The following NCOA3 variants were observed in gnomAD, a reference collection of about 807,000 sequenced individuals.
NCOA3 encodes the protein nuclear receptor coactivator 3, also known as CBP-interacting protein.
NCOA3 carries 51 observed loss-of-function variants against 158.8 expected under a neutral mutation model. The ratio of observed to expected loss-of-function variants is 0.32; its 90% CI spans 0.26 to 0.41. The LOEUF (loss-of-function observed/expected upper bound fraction) is 0.41, where lower values mean the gene tolerates loss of function less well. Among genes scored for constraint, NCOA3 ranks in the 10% least tolerant of loss-of-function variants. The probability of loss-of-function intolerance (pLI) is 1.00; values close to 1 mark genes in which losing one functional copy is unlikely to be tolerated. For missense variants in NCOA3, 1,510 were observed against 1,746.6 expected (o/e 0.86, Z 2.41); for synonymous variants, 537 against 592.4 (o/e 0.91, Z 1.36).
At chr20:47,505,093 G>A (rs1454230378) in intron 1 of NCOA3, among the ~76,000 whole-genome samples, 3 of 82,162 alleles carry the variant, frequency 3.7e-5, no homozygotes, top group Non-Finnish European at 4.6e-5. Context: ...AAGGAAATTT[G>A]CTCTGTTGCC....
chr20:47,559,265 A>G (rs1035035491), intron 1 of NCOA3, among the ~76,000 whole-genome samples: 3 of 152,176 alleles, frequency 2.0e-5, no homozygotes, highest in African/African-American at 7.2e-5. Context: ...CTGGCAAGGC[A>G]CTTCCTGACT....
intron 8 of NCOA3, among the ~76,000 whole-genome samples, chr20:47,632,266 G>T (rs1380522773): frequency 6.6e-6 from 1 of 152,146 alleles, no homozygotes; most frequent in African/African-American, 2.4e-5. Flanking sequence ...ATAGGAGAAG[G>T]TATTAGGGGG....
At chr20:47,598,039 A>AT in intron 2 of NCOA3, among the ~76,000 whole-genome samples, 1 of 151,288 alleles carries the variant, frequency 6.6e-6, no homozygotes, top group African/African-American at 2.4e-5. Context: ...AGGTCAGGAG[A>AT]TTGAGACCAT....
chr20:47,563,905 G>GAAA (rs1451465092), intron 1 of NCOA3, among the ~76,000 whole-genome samples: 3 of 143,264 alleles, frequency 2.1e-5, no homozygotes, highest in Non-Finnish European at 3.0e-5. Flanking sequence ...AAAAAAAAAA[G>GAAA]AAAGAAAAAA....
rs944204709 is a variant in NCOA3, at chr20:47,656,804, G to T, written c.*3387G>T. The T allele has an allele frequency of 5.3e-5, 8 of 152,078 alleles. No homozygotes were observed. Among genetic ancestry groups the T allele is most frequent in the East Asian group, 3.9e-4 (2 of 5,194 alleles). 9.4% of individuals were successfully genotyped at this position (152,078 alleles called of 1,614,324 possible). A position where few individuals can be genotyped will look rare whatever the true frequency, so the allele number is the denominator to read the frequency against. Reference sequence around the variant, plus strand: ...GAAACCACATGAAATGACTTATGGGGGATGGTGAGCTGTGACTGCTTTGCT... The same window carrying T: ...GAAACCACATGAAATGACTTATGGGTGATGGTGAGCTGTGACTGCTTTGCT... On this transcript the variant is annotated 3_prime_UTR_variant, in exon 23 of 23. Transcript: ENST00000371998.
intron 16 of NCOA3, among the ~76,000 whole-genome samples, chr20:47,641,324 C>CTTTTTT (rs34173277): frequency 6.2e-5 from 6 of 96,598 alleles, no homozygotes; most frequent in Non-Finnish European, 1.2e-4. Flanking sequence ...CTCAACATTT[C>CTTTTTT]TTTTTTTTTT....
chr20:47,577,307 AT>A (rs2085387360), intron 1 of NCOA3, among the ~76,000 whole-genome samples: 1 of 152,220 alleles, frequency 6.6e-6, no homozygotes, highest in African/African-American at 2.4e-5. Context: ...AGAAACTCAA[AT>A]GGCATTTTGG....
intron 17 of NCOA3, among the ~76,000 whole-genome samples, chr20:47,645,608 T>G: frequency 6.6e-6 from 1 of 152,118 alleles, no homozygotes; most frequent in Admixed American, 6.5e-5. Flanking sequence ...ACTGGATACC[T>G]CTTAGTTCCC....
At chr20:47,505,698 T>TC (rs1393607451) in intron 1 of NCOA3, among the ~76,000 whole-genome samples, 8 of 152,156 alleles carry the variant, frequency 5.3e-5, no homozygotes, top group African/African-American at 1.9e-4. Flanking sequence ...CTTATTTTTT[T>TC]CTCATACTTC....
At chr20:47,595,966 T>C (rs1450171828) in intron 2 of NCOA3, among the ~76,000 whole-genome samples, 1 of 152,224 alleles carries the variant, frequency 6.6e-6, no homozygotes, top group Non-Finnish European at 1.5e-5. Flanking sequence ...TTTGTTCACA[T>C]AGTGATTTTT....
At chr20:47,590,287 T>C (rs1269278698) in intron 2 of NCOA3, among the ~76,000 whole-genome samples, 1 of 152,238 alleles carries the variant, frequency 6.6e-6, no homozygotes, top group Non-Finnish European at 1.5e-5. Context: ...ATTAAGCCTA[T>C]GCAAATAACG....
Position 47,654,530 on chromosome 20 carries a change from G to A in NCOA3, c.*1113G>A, listed in dbSNP as rs1217840562. On this transcript the variant is annotated 3_prime_UTR_variant, in exon 23 of 23. Transcript: ENST00000371998. The stretch of plus-strand genomic sequence containing the variant: ...AAGCTGTGTGGTGAGGCTACCAGTG[G>A]AAGAGACATCCCTTGACTTTTGTGG... 2 of 152,530 alleles carry A rather than the reference G, an allele frequency of 1.3e-5. No individual in the cohort carries two copies. The highest frequency in any genetic ancestry group is 4.8e-5 in the African/African-American group (2 of 41,434). The allele number at this position is 152,530 out of a possible 1,614,324, so 9.4% of individuals were successfully genotyped here. A position where few individuals can be genotyped will look rare whatever the true frequency, so the allele number is the denominator to read the frequency against.
intron 1 of NCOA3, among the ~76,000 whole-genome samples, chr20:47,572,147 TC>T (rs2085304394): frequency 6.6e-6 from 1 of 152,228 alleles, no homozygotes; most frequent in Non-Finnish European, 1.5e-5. Context: ...AGAGTTATGG[TC>T]TTGCTTTGGC....
chr20:47,524,141 A>G (rs2084388853), intron 1 of NCOA3, among the ~76,000 whole-genome samples: 1 of 152,206 alleles, frequency 6.6e-6, no homozygotes, highest in Non-Finnish European at 1.5e-5. Context: ...AAAAGCAGAA[A>G]CTTCCTGTTC....
At chr20:47,650,165 T>G (rs1237004674) in intron 19 of NCOA3, among the ~76,000 whole-genome samples, 1 of 152,058 alleles carries the variant, frequency 6.6e-6, no homozygotes, top group African/African-American at 2.4e-5. Context: ...ATGTTAAAGC[T>G]TGACAGTGTG....
intron 1 of NCOA3, among the ~76,000 whole-genome samples, chr20:47,571,284 T>C (rs1340153022): frequency 6.6e-6 from 1 of 151,332 alleles, no homozygotes; most frequent in African/African-American, 2.4e-5. Flanking sequence ...GGATTACAGG[T>C]ATGAGCCACC....
chr20:47,611,206 A>G (rs2086037367), intron 2 of NCOA3, among the ~76,000 whole-genome samples: 1 of 152,030 alleles, frequency 6.6e-6, no homozygotes, highest in Non-Finnish European at 1.5e-5. Flanking sequence ...TCTCCTTTAC[A>G]TCTTTATTGC....
intron 1 of NCOA3, among the ~76,000 whole-genome samples, chr20:47,527,424 A>T (rs1294010442): frequency 6.6e-6 from 1 of 152,002 alleles, no homozygotes; most frequent in Non-Finnish European, 1.5e-5. Flanking sequence ...TCTTTTGCTT[A>T]GTCTAATTCC....
At chr20:47,561,068 G>A (rs973188938) in intron 1 of NCOA3, among the ~76,000 whole-genome samples, 17 of 149,912 alleles carry the variant, frequency 1.1e-4, no homozygotes, top group African/African-American at 4.2e-4. Flanking sequence ...TGGGGCTCAG[G>A]CGATCCTCCT....
Sources: gnomAD v4.1 joint callset for allele counts (sites outside exome capture counted in the v4.1 genomes callset) on GRCh38, gnomAD v4.1.1 for gene constraint, MANE v1.5 for transcripts, NCBI Gene and HGNC (gene_info 2026-07-23, HGNC 2026-07-21) for gene names.